Variants in PCDHA10 observed in about 807,000 individuals in gnomAD.
PCDHA10 encodes protocadherin alpha 10.
A neutral mutation model predicts 61.2 loss-of-function variants in PCDHA10; 45 were observed. That is an observed-to-expected ratio of 0.74 (90% CI 0.58 to 0.94). The LOEUF is 0.94. Among genes scored for constraint, PCDHA10 ranks in the 40% least tolerant of loss-of-function variants. The probability of loss-of-function intolerance (pLI) is 0.00; values close to 1 mark genes in which losing one functional copy is unlikely to be tolerated. For missense variants in PCDHA10, 1,278 were observed against 1,236.2 expected (o/e 1.03, Z -0.51); for synonymous variants, 602 against 548.8 (o/e 1.10, Z -1.35).
In PCDHA10 at chr5:140,855,917, G is replaced by A; in HGVS notation, c.-132G>A. 1 of 1,202,824 alleles carries A rather than the reference G, an allele frequency of 8.3e-7. No homozygotes were observed. Among genetic ancestry groups the A allele is most frequent in the South Asian group, 1.6e-5 (1 of 64,008 alleles). The allele number at this position is 1,202,824 out of a possible 1,614,324, so 74.5% of individuals were successfully genotyped here. On this transcript the variant is annotated 5_prime_UTR_variant, in exon 1 of 4. Coordinates refer to ENST00000307360, the MANE Select transcript of PCDHA10 (RefSeq NM_018901.4). ...GCATCAGCCAGTTTCTCAAGGACTA[G>A]GAAGTAGCGTCATTCTGAGATCTCA...
At position 140,924,894 on chromosome 5, in the gene PCDHA10, CA is replaced by C. The variant is rs782133089; in HGVS notation, c.2389-54044del. 4.9e-4 allele frequency among the ~76,000 whole-genome samples: 35 copies of C among 71,496 alleles called. 1 individual carries two copies. Among genetic ancestry groups the C allele is most frequent in the Admixed American group, 2.6e-3 (18 of 6,864 alleles). The allele number at this position is 71,496 out of a possible 152,430, so 46.9% of individuals were successfully genotyped here. On this transcript the variant is annotated intron_variant, in intron 1 of 3. Coordinates refer to ENST00000307360, the MANE Select transcript of PCDHA10 (RefSeq NM_018901.4). Reference sequence around the variant, plus strand: ...TGGGTGACAGAGCAAGAACCTGTCTCAAAAAAAAAAATAAAATAAAATAAAA... The same window carrying C: ...TGGGTGACAGAGCAAGAACCTGTCTCAAAAAAAAAATAAAATAAAATAAAA...
chr5:140,882,859 GA>G (rs1554175853), intron 1 of PCDHA10: 4 of 1,614,192 alleles, frequency 2.5e-6, no homozygotes, highest in Non-Finnish European at 3.4e-6. Flanking sequence ...TTGTACTGAG[GA>G]AAACACTGGA....
rs552604909 is a variant in PCDHA10, at chr5:141,005,474, C to T, written c.2537-4153C>T. ...ATCCCAGCACTTTGGGAGGCCGAGACGGGCGGATCATGAGGTCAGGAGATC... is the reference window on the plus strand; with the variant it reads ...ATCCCAGCACTTTGGGAGGCCGAGATGGGCGGATCATGAGGTCAGGAGATC... On this transcript the variant is annotated intron_variant, in intron 3 of 3. Coordinates refer to ENST00000307360, the MANE Select transcript of PCDHA10 (RefSeq NM_018901.4). 1.6e-3 allele frequency among the ~76,000 whole-genome samples: 236 copies of T among 151,848 alleles called. 1 individual carries two copies. The highest frequency in any genetic ancestry group is 4.9e-3 in the African/African-American group (204 of 41,424).
At position 141,004,143 on chromosome 5, in the gene PCDHA10, C is replaced by T. The variant is rs1023273119; in HGVS notation, c.2537-5484C>T. 2.6e-5 allele frequency among the ~76,000 whole-genome samples: 4 copies of T among 152,252 alleles called. No homozygotes were observed. In the East Asian group the frequency reaches 7.7e-4, roughly 29 times the overall value. ...TATCTCCATGATTCTGCCCCAAAGG[C>T]ATGACATTTTATAGGCAAAGCCAGC... On this transcript the variant is annotated intron_variant, in intron 3 of 3. Transcript: ENST00000307360.
intron 1 of PCDHA10, chr5:140,968,975 T>G (rs782002097): frequency 2.5e-6 from 4 of 1,614,168 alleles, no homozygotes; most frequent in Non-Finnish European, 3.4e-6. Context: ...CTACACTGCG[T>G]ATGGCACTGC....
Position 140,968,634 on chromosome 5 carries a change from A to G in PCDHA10, c.2389-10315A>G, listed in dbSNP as rs782166097. ...GGGCAAAATGCTTGGCTTTTTTACC[A>G]TCTAGCCCAGACTTCTGACCTGGAC... On this transcript the variant is annotated intron_variant, in intron 1 of 3. Coordinates refer to ENST00000307360, the MANE Select transcript of PCDHA10 (RefSeq NM_018901.4). 14 of 1,614,176 alleles carry G rather than the reference A, an allele frequency of 8.7e-6. 1 individual carries two copies. The South Asian group carries it at 1.3e-4, about 15-fold the overall frequency.
At chr5:140,931,793 A>C (rs979670484) in intron 1 of PCDHA10, among the ~76,000 whole-genome samples, 33 of 151,972 alleles carry the variant, frequency 2.2e-4, no homozygotes, top group African/African-American at 7.7e-4. Context: ...TATTGATCTG[A>C]TCTTAATTCT....
intron 1 of PCDHA10, chr5:140,867,201 T>C (rs1554161078): frequency 6.6e-6 from 1 of 152,156 alleles, no homozygotes; most frequent in African/African-American, 2.4e-5. Context: ...CCACATTCCA[T>C]GTAACATCTT....
intron 1 of PCDHA10, among the ~76,000 whole-genome samples, chr5:140,942,323 T>C (rs1489572732): frequency 6.6e-6 from 1 of 151,970 alleles, no homozygotes; most frequent in Non-Finnish European, 1.5e-5. Flanking sequence ...GGCACAAGAA[T>C]CACTTGAACC....
rs1002607780 is a variant in PCDHA10 at position 141,011,898 on chromosome 5, T to G, written c.*1961T>G. 1.8e-4 allele frequency: 27 copies of G among 148,586 alleles called. 1 individual carries two copies. Among genetic ancestry groups the G allele is most frequent in the Admixed American group, 1.5e-3 (23 of 15,026 alleles). The allele number at this position is 148,586 out of a possible 1,614,324, so 9.2% of individuals were successfully genotyped here. On this transcript the variant is annotated 3_prime_UTR_variant, in exon 4 of 4. Coordinates refer to ENST00000307360, the MANE Select transcript of PCDHA10 (RefSeq NM_018901.4). ...TAGAAGTTTGATTAATTATATTATC[T>G]ATTTAGGCATTAATATAAAAGAGGT...
At chr5:140,884,317 G>C (rs1401667312) in intron 1 of PCDHA10, 15 of 1,613,780 alleles carry the variant, frequency 9.3e-6, no homozygotes, top group Non-Finnish European at 1.3e-5. Context: ...CGAGGGCGTC[G>C]GCAGGCGCTG....
intron 1 of PCDHA10, among the ~76,000 whole-genome samples, chr5:140,918,383 C>A (rs1227959801): frequency 4.6e-5 from 7 of 152,124 alleles, no homozygotes. Flanking sequence ...CCTTTTATTT[C>A]TTTCTCTTGC....
chr5:140,927,530 G>A (rs2084329100), intron 1 of PCDHA10: 2 of 1,614,080 alleles, frequency 1.2e-6, no homozygotes, highest in Non-Finnish European at 1.7e-6. Flanking sequence ...CTACCTGCCC[G>A]CTCAGGAGAC....
At chr5:140,877,947 G>A (rs1266600808) in intron 1 of PCDHA10, 2 of 1,351,230 alleles carry the variant, frequency 1.5e-6, no homozygotes, top group African/African-American at 1.5e-5. Context: ...TTAAACTATC[G>A]AATGTCTCAT....
chr5:140,883,262 G>T (rs1211665444), intron 1 of PCDHA10: 1 of 1,613,956 alleles, frequency 6.2e-7, no homozygotes. Flanking sequence ...TCCAATGGCG[G>T]GTCATTGTAC....
rs782592420 is a variant in PCDHA10, at chr5:140,869,527, A to G, written c.2388+11091A>G. The G allele has an allele frequency of 1.2e-6, 2 of 1,614,186 alleles. No individual in the cohort carries two copies. Among genetic ancestry groups the G allele is most frequent in the African/African-American group, 2.7e-5 (2 of 75,038 alleles). On this transcript the variant is annotated intron_variant, in intron 1 of 3. Coordinates refer to ENST00000307360, the MANE Select transcript of PCDHA10 (RefSeq NM_018901.4). ...CTCGCTCAGAGAACAAAAGCTGCTG[A>G]TTGCGGAATCTAAGCAATCGGACTC...
chr5:140,966,957 C>T lies in PCDHA10; in HGVS notation c.2389-11992C>T, dbSNP rs868948639. 4 of 1,602,884 alleles carry T rather than the reference C, an allele frequency of 2.5e-6. No individual in the cohort carries two copies. The African/African-American group carries it at 4.0e-5, about 16-fold the overall frequency. ...GCGCTCGTGGGCAACGTGGCTCGCG[C>T]GCTGGGGCTTGAGCTGCGGCGCTTG... On this transcript the variant is annotated intron_variant, in intron 1 of 3. Transcript: ENST00000307360.
chr5:140,866,149 T>C (rs1554160036), intron 1 of PCDHA10: 1 of 152,130 alleles, frequency 6.6e-6, no homozygotes, highest in Non-Finnish European at 1.5e-5. Flanking sequence ...GGAAGTGATA[T>C]AAGTAAGAAT....
At chr5:140,944,694 T>C (rs2093685448) in intron 1 of PCDHA10, among the ~76,000 whole-genome samples, 1 of 152,190 alleles carries the variant, frequency 6.6e-6, no homozygotes, top group African/African-American at 2.4e-5. Context: ...TTAATAACAG[T>C]AATTATCAGG....
Sources: gnomAD v4.1 joint callset for allele counts (sites outside exome capture counted in the v4.1 genomes callset) on GRCh38, gnomAD v4.1.1 for gene constraint, MANE v1.5 for transcripts, NCBI Gene and HGNC (gene_info 2026-07-23, HGNC 2026-07-21) for gene names.